ATRNL1: variants seen among roughly 807,000 people sequenced by gnomAD.
The protein encoded by ATRNL1 is attractin like 1.
In ATRNL1, 95 loss-of-function variants were observed where a neutral mutation model predicts 182.7. The observed-to-expected ratio is 0.52, with a 90% CI of 0.44 to 0.62. The LOEUF is 0.62. Among genes scored for constraint, ATRNL1 ranks in the 20% least tolerant of loss-of-function variants. The pLI, the probability that ATRNL1 is intolerant of heterozygous loss-of-function variation, is 0.00. For synonymous variants in ATRNL1, 576 were observed against 568.3 expected (o/e 1.01, Z -0.19); for missense variants, 1,471 against 1,679.5 (o/e 0.88, Z 2.17).
chr10:115,416,225 G>T (rs1039578846), intron 20 of ATRNL1, among the ~76,000 whole-genome samples: 1 of 151,936 alleles, frequency 6.6e-6, no homozygotes, highest in African/African-American at 2.4e-5. Flanking sequence ...TCTTTTTCAA[G>T]CTGAGTTTCA....
intron 27 of ATRNL1, among the ~76,000 whole-genome samples, chr10:115,846,579 A>G (rs139638978): frequency 0.012 from 1,784 of 152,230 alleles, 42 homozygotes; most frequent in African/African-American, 0.041. Flanking sequence ...TTGCTTTGAT[A>G]TATCAACCAT....
chr10:115,559,448 G>GCGCGCGCA (rs1565165032), intron 26 of ATRNL1, among the ~76,000 whole-genome samples: 1 of 51,620 alleles, frequency 1.9e-5, no homozygotes, highest in Admixed American at 1.6e-4. Context: ...GTGTGTGCGC[G>GCGCGCGCA]CGCGCACGCA....
intron 19 of ATRNL1, among the ~76,000 whole-genome samples, chr10:115,341,745 G>C (rs1855761975): frequency 6.6e-6 from 1 of 151,920 alleles, no homozygotes; most frequent in Non-Finnish European, 1.5e-5. Context: ...TTGCTGAATT[G>C]ACCGCTTTAT....
chr10:115,245,185 A>G (rs2133827619), intron 10 of ATRNL1, among the ~76,000 whole-genome samples: 1 of 152,256 alleles, frequency 6.6e-6, no homozygotes, highest in East Asian at 1.9e-4. Flanking sequence ...GTGAAATTGC[A>G]GTTCTGTATA....
chr10:115,264,083 CTT>C (rs58308405), intron 10 of ATRNL1, among the ~76,000 whole-genome samples: 2 of 147,532 alleles, frequency 1.4e-5, no homozygotes, highest in Non-Finnish European at 3.0e-5. Context: ...GCATCATTCT[CTT>C]TTTTTTTTTA....
intron 26 of ATRNL1, among the ~76,000 whole-genome samples, chr10:115,557,794 C>T (rs941636887): frequency 6.6e-5 from 10 of 152,118 alleles, no homozygotes; most frequent in Admixed American, 3.9e-4. Flanking sequence ...TGCCTGTAAT[C>T]CCGACACTTT....
Position 115,207,587 on chromosome 10 carries a change from G to A in ATRNL1, c.1349-8110G>A, listed in dbSNP as rs571754239. On this transcript the variant is annotated intron_variant, in intron 8 of 28. Coordinates refer to ENST00000355044, the MANE Select transcript of ATRNL1 (RefSeq NM_207303.4). ...AAATTTTTGTTTCACTTTCATTTTT[G>A]AAAAAAAATTTGCTGAGTGTAGAAT... Among the ~76,000 whole-genome samples the A allele has an allele frequency of 4.5e-4, 67 of 150,062 alleles. 3 individuals carry two copies. In the South Asian group the frequency reaches 0.014, roughly 31 times the overall value.
At chr10:115,361,868 G>C (rs1554944309) in intron 19 of ATRNL1, among the ~76,000 whole-genome samples, 1 of 152,076 alleles carries the variant, frequency 6.6e-6, no homozygotes, top group East Asian at 1.9e-4. Context: ...TTAAATTATT[G>C]TTTATGATCA....
chr10:115,377,139 A>G (rs115580395), intron 19 of ATRNL1, among the ~76,000 whole-genome samples: 4,001 of 151,892 alleles, frequency 0.026, 163 homozygotes, highest in African/African-American at 0.088. Flanking sequence ...AATTGTTGGT[A>G]TGGTTTGGCT....
chr10:115,265,331 T>C, intron 11 of ATRNL1, 54 bp downstream of exon 11: 1 of 1,081,202 alleles, frequency 9.2e-7, no homozygotes, highest in South Asian at 1.5e-5. Context: ...AGTCATACTA[T>C]CCTCATATTC....
chr10:115,799,727 A>ATTATGT (rs1555083876), intron 27 of ATRNL1, among the ~76,000 whole-genome samples: 2 of 152,210 alleles, frequency 1.3e-5, no homozygotes, highest in Non-Finnish European at 2.9e-5. Context: ...TTGGCCATTT[A>ATTATGT]GCTAATCTCA....
At chr10:115,540,812 T>G (rs535051994) in intron 25 of ATRNL1, among the ~76,000 whole-genome samples, 105 of 151,666 alleles carry the variant, frequency 6.9e-4, no homozygotes, top group Middle Eastern at 3.4e-3. Context: ...TAGTCATTCT[T>G]AAGTTAATTA....
At chr10:115,323,870 C>G (rs879974049) in intron 18 of ATRNL1, among the ~76,000 whole-genome samples, 25 of 151,552 alleles carry the variant, frequency 1.6e-4, no homozygotes, top group Non-Finnish European at 3.5e-4. Context: ...CTCCACCTCC[C>G]GGGTTCACGC....
chr10:115,165,289 A>G (rs1440642889), intron 6 of ATRNL1, among the ~76,000 whole-genome samples: 1 of 152,032 alleles, frequency 6.6e-6, no homozygotes, highest in Admixed American at 6.6e-5. Flanking sequence ...ATTAAAGGCA[A>G]TTGGACAATT....
chr10:115,792,644 G>A lies in ATRNL1; in HGVS notation c.3904-55233G>A, dbSNP rs78364985. Among the ~76,000 whole-genome samples, 1,515 of 152,112 alleles carry A rather than the reference G, an allele frequency of 1.0e-2. 30 individuals are homozygous for A. Among genetic ancestry groups the A allele is most frequent in the African/African-American group, 0.035 (1,434 of 41,534 alleles). On this transcript the variant is annotated intron_variant, in intron 27 of 28. Coordinates refer to ENST00000355044, the MANE Select transcript of ATRNL1 (RefSeq NM_207303.4). ...TGGAGCAGTAAATTATCCATAGATA[G>A]TCTAGAAGCTCTTTTGATAAAGGAT...
chr10:115,761,015 C>G (rs1169208960), intron 27 of ATRNL1, among the ~76,000 whole-genome samples: 3 of 152,176 alleles, frequency 2.0e-5, no homozygotes, highest in Non-Finnish European at 4.4e-5. Context: ...CATGAGAAAA[C>G]ATAGGCAGCC....
rs1420143943 is a variant in ATRNL1 at position 115,223,929 on chromosome 10, A to ATATATATATT, written c.1532+8050_1532+8051insATATATATTT. 2.1e-3 allele frequency among the ~76,000 whole-genome samples: 96 copies of ATATATATATT among 44,718 alleles called. 1 individual carries two copies. The highest frequency in any genetic ancestry group is 3.7e-3 in the Non-Finnish European group (83 of 22,270). The allele number at this position is 44,718 out of a possible 152,430, so 29.3% of individuals were successfully genotyped here. A position where few individuals can be genotyped will look rare whatever the true frequency, so the allele number is the denominator to read the frequency against. ...TGTGTGTGTGTATATATATATATAT[A>ATATATATATT]TTTTTTTTTTTTTTTTTTTTCTTTG... On this transcript the variant is annotated intron_variant, in intron 9 of 28. Transcript: ENST00000355044.
intron 26 of ATRNL1, among the ~76,000 whole-genome samples, chr10:115,646,036 T>TACACACACACAC (rs58679995): frequency 0.11 from 16,000 of 141,468 alleles, 1,084 homozygotes; most frequent in South Asian, 0.19. Context: ...TTTTAAAATT[T>TACACACACACAC]ACACACACAC....
intron 8 of ATRNL1, among the ~76,000 whole-genome samples, chr10:115,192,875 A>C (rs1387518793): frequency 1.3e-5 from 2 of 151,890 alleles, no homozygotes; most frequent in Non-Finnish European, 2.9e-5. Context: ...CAGATTGTGC[A>C]CTGTTGCCAT....
Sources: gnomAD v4.1 joint callset for allele counts (sites outside exome capture counted in the v4.1 genomes callset) on GRCh38, gnomAD v4.1.1 for gene constraint, MANE v1.5 for transcripts, NCBI Gene and HGNC (gene_info 2026-07-23, HGNC 2026-07-21) for gene names.